Variants in DAPK2 observed in about 807,000 individuals in gnomAD.
The protein encoded by DAPK2 is death associated protein kinase 2, also known as death-associated protein kinase 2.
Under a neutral mutation model 44.1 loss-of-function variants are expected in DAPK2, and 35 were observed. That is an observed-to-expected ratio of 0.79 (90% confidence interval 0.61 to 1.05). The LOEUF (loss-of-function observed/expected upper bound fraction) is 1.05. DAPK2 is among the 50% of genes least tolerant of loss of function. DAPK2 has a pLI of 0.00. For synonymous variants in DAPK2, 174 were observed against 182.6 expected (o/e 0.95, Z 0.38); for missense variants, 453 against 483.2 (o/e 0.94, Z 0.59).
intron 3 of DAPK2, among the ~76,000 whole-genome samples, chr15:63,943,211 C>T (rs1673112812): frequency 6.6e-6 from 1 of 151,476 alleles, no homozygotes; most frequent in South Asian, 2.1e-4. Flanking sequence ...ATTGCTTAAG[C>T]CCAGGAGTTC....
chr15:63,944,332 A>G, intron 3 of DAPK2, among the ~76,000 whole-genome samples: 1 of 152,162 alleles, frequency 6.6e-6, no homozygotes, highest in East Asian at 1.9e-4. Context: ...AACAGAGGCC[A>G]TGGCTCCCTG....
chr15:63,999,575 CT>C (rs1434853474), intron 1 of DAPK2, among the ~76,000 whole-genome samples: 2 of 152,072 alleles, frequency 1.3e-5, no homozygotes, highest in Admixed American at 1.3e-4. Context: ...GGGTCTTTTC[CT>C]TTTCATTATT....
chr15:63,940,042 G>A (rs1051072393), intron 3 of DAPK2, among the ~76,000 whole-genome samples: 3 of 152,188 alleles, frequency 2.0e-5, no homozygotes, highest in African/African-American at 7.2e-5. Flanking sequence ...TGGGTGCAGG[G>A]TAGGGGACAG....
At chr15:64,038,103 T>C (rs2080257709) in intron 1 of DAPK2, among the ~76,000 whole-genome samples, 1 of 152,084 alleles carries the variant, frequency 6.6e-6, no homozygotes, top group Non-Finnish European at 1.5e-5. Flanking sequence ...ATAAATGCAA[T>C]CCCCAGGAAA....
chr15:63,910,845 A>G (rs1316540420), intron 10 of DAPK2: 1 of 152,246 alleles, frequency 6.6e-6, no homozygotes, highest in Non-Finnish European at 1.5e-5. Flanking sequence ...GGCACGAACC[A>G]CTACTGCCAG....
intron 8 of DAPK2, among the ~76,000 whole-genome samples, chr15:63,913,062 A>C (rs1226407179): frequency 2.0e-5 from 3 of 152,166 alleles, no homozygotes; most frequent in African/African-American, 7.2e-5. Flanking sequence ...AACACGGATG[A>C]ACCTTAAAAA....
In DAPK2 at chr15:63,912,827, T is replaced by C. The variant is rs1384848301; in HGVS notation, c.859-630A>G. Among the ~76,000 whole-genome samples the C allele has an allele frequency of 3.9e-5, 6 of 152,180 alleles. No homozygotes were observed. Among genetic ancestry groups the C allele is most frequent in the Admixed American group, 3.9e-4 (6 of 15,282 alleles). On this transcript the variant is annotated intron_variant, in intron 8 of 10. Coordinates refer to ENST00000261891, the Ensembl canonical transcript of DAPK2. The surrounding 1 kb of genome is among the most constrained non-coding windows in gnomAD (Gnocchi z 4.4). Reference sequence around the variant, plus strand: ...GTTAAGGATTATATGATCATGCATATATAAAGTGCTTAGCCCAGCACCACT... The same window carrying C: ...GTTAAGGATTATATGATCATGCATACATAAAGTGCTTAGCCCAGCACCACT...
chr15:64,012,592 T>C (rs928964958), intron 1 of DAPK2, among the ~76,000 whole-genome samples: 5 of 152,198 alleles, frequency 3.3e-5, no homozygotes, highest in African/African-American at 4.8e-5. Context: ...AAGATACACA[T>C]ACCTGATCTG....
chr15:64,002,516 G>T (rs1363141677), intron 1 of DAPK2, among the ~76,000 whole-genome samples: 4 of 152,138 alleles, frequency 2.6e-5, no homozygotes, highest in Admixed American at 6.5e-5. Context: ...TGGATGGATG[G>T]ATAGATGACC....
rs186627072 is a variant in DAPK2, at chr15:64,038,563, G to T, written c.92+1607C>A. Among the ~76,000 whole-genome samples, 216 of 152,178 alleles carry T rather than the reference G, an allele frequency of 1.4e-3. 3 individuals carry two copies. The highest frequency in any genetic ancestry group is 0.012 in the Admixed American group (191 of 15,284). On this transcript the variant is annotated intron_variant, in intron 1 of 10. Coordinates refer to ENST00000261891, the Ensembl canonical transcript of DAPK2. The stretch of plus-strand genomic sequence containing the variant: ...CCCTCTGGGGTCTCTGCAGTTATTT[G>T]CTCCCCCACCCACCATCCAGTCAGC...
chr15:63,926,124 T>C, intron 6 of DAPK2, 31 bp from the exon 8 acceptor site: 2 of 1,572,206 alleles, frequency 1.3e-6, no homozygotes, highest in Non-Finnish European at 1.7e-6. Context: ...ATCAAATAAC[T>C]AAGGGAAAGT....
At chr15:63,947,243 C>T (rs193283216) in intron 3 of DAPK2, among the ~76,000 whole-genome samples, 2 of 152,184 alleles carry the variant, frequency 1.3e-5, no homozygotes, top group Non-Finnish European at 2.9e-5. Context: ...CTCCAACACA[C>T]AGCTAGTTGT....
chr15:63,981,201 A>G (rs1202881960), intron 2 of DAPK2, among the ~76,000 whole-genome samples: 1 of 151,882 alleles, frequency 6.6e-6, no homozygotes, highest in Admixed American at 6.6e-5. Context: ...ACTGGTAGCT[A>G]TATAAGAAGT....
Position 63,939,286 on chromosome 15 carries a change from C to A in DAPK2, c.529G>T (p.Glu177Ter). 1.2e-6 allele frequency: 2 copies of A among 1,613,552 alleles called. No homozygotes were observed. The highest frequency in any genetic ancestry group is 1.7e-6 in the Non-Finnish European group (2 of 1,179,988). ...TTAAATTCAACTCCATCTTCTATTTCGTGAGCCAGACCAAAGTCAATCAGC... is the reference window on the plus strand; with the variant it reads ...TTAAATTCAACTCCATCTTCTATTTAGTGAGCCAGACCAAAGTCAATCAGC... The change falls in exon 4 of 11, where the codon GAA becomes TAA. Residue 177 changes from glutamate (E) to a stop codon, truncating the protein, a stop_gained. Transcript: ENST00000261891. LOFTEE classifies it high-confidence loss of function. This position sits in a 1 kb window ranked among gnomAD's most constrained non-coding sequence, Gnocchi z 4.3.
At chr15:63,948,298 A>AAAAAAAAAAAAAC (rs2077502416) in intron 3 of DAPK2, among the ~76,000 whole-genome samples, 1 of 147,680 alleles carries the variant, frequency 6.8e-6, no homozygotes, top group Non-Finnish European at 1.5e-5. Context: ...AAAAAAAAAA[A>AAAAAAAAAAAAAC]AGATTTAACT....
intron 3 of DAPK2, among the ~76,000 whole-genome samples, chr15:63,969,353 T>A (rs1903325): frequency 0.87 from 131,996 of 152,162 alleles, 58,485 homozygotes; most frequent in East Asian, 1. Flanking sequence ...CTGAGAGGTC[T>A]AGTCTGCAGT....
At chr15:63,946,027 T>A (rs945127437) in intron 3 of DAPK2, among the ~76,000 whole-genome samples, 9 of 152,186 alleles carry the variant, frequency 5.9e-5, no homozygotes, top group Non-Finnish European at 1.2e-4. Flanking sequence ...TTCACCCACA[T>A]ACCTGACATC....
chr15:64,004,552 C>A (rs2079177571), intron 1 of DAPK2, among the ~76,000 whole-genome samples: 1 of 152,156 alleles, frequency 6.6e-6, no homozygotes, highest in Admixed American at 6.5e-5. Flanking sequence ...ACTTTGAGCA[C>A]CTTAGTGGGA....
Position 63,930,419 on chromosome 15 carries a change from T to C in DAPK2, c.620A>G (p.Glu207Gly). The C allele has an allele frequency of 6.2e-7, 1 of 1,614,184 alleles. No individual in the cohort carries two copies. Among genetic ancestry groups the C allele is most frequent in the African/African-American group, 1.3e-5 (1 of 75,016 alleles). Residue 207 changes from glutamate (E) to glycine (G), a missense_variant, in exon 5 of 11, where the codon GAG (glutamate) becomes GGG (glycine). By Grantham distance (98) the Glu-to-Gly change is moderately conservative. Transcript: ENST00000261891. Reference sequence around the variant, plus strand: ...CTATCCAACTTACCACATGTCAGCCTCCAGACCCAGGGGCTCGTAGTTCAC... The same window carrying C: ...CTATCCAACTTACCACATGTCAGCCCCCAGACCCAGGGGCTCGTAGTTCAC...
Sources: allele counts gnomAD v4.1 joint callset (sites outside exome capture counted in the v4.1 genomes callset), GRCh38; gene constraint gnomAD v4.1.1; non-coding constraint Gnocchi (gnomAD v3.1); transcripts MANE v1.5; gene names NCBI Gene and HGNC (gene_info 2026-07-23, HGNC 2026-07-21).